Variants in PARM1 observed in about 807,000 individuals in gnomAD.
PARM1 encodes prostate androgen-regulated mucin-like protein 1, also known as WSC4, cell wall integrity and stress response component 4 homolog.
PARM1 carries 14 observed loss-of-function variants against 24.6 expected under a neutral mutation model. The ratio of observed to expected loss-of-function variants is 0.57; its 90% CI spans 0.38 to 0.89. The LOEUF is 0.89. PARM1 is among the 40% of genes least tolerant of loss of function. PARM1 has a pLI of 0.00. For synonymous variants in PARM1, 179 were observed against 156.6 expected, an observed-to-expected ratio of 1.14 and a Z score of -1.07; for missense variants, 362 against 380.4, an observed-to-expected ratio of 0.95 and a Z score of 0.40.
At chr4:75,009,371 C>T (rs1403388483) in intron 1 of PARM1, among the ~76,000 whole-genome samples, 1 of 152,190 alleles carries the variant, frequency 6.6e-6, no homozygotes, top group African/African-American at 2.4e-5. Context: ...CTGAATGTTT[C>T]CCTTTTGGTC....
intron 2 of PARM1, among the ~76,000 whole-genome samples, chr4:75,013,421 G>T (rs188885994): frequency 1.1e-4 from 16 of 152,350 alleles, no homozygotes; most frequent in African/African-American, 3.6e-4. Context: ...AGATAGCAAA[G>T]GGATTAACAG....
intron 1 of PARM1, among the ~76,000 whole-genome samples, chr4:74,977,506 A>G (rs889529191): frequency 4.6e-5 from 7 of 152,218 alleles, no homozygotes; most frequent in African/African-American, 1.7e-4. Context: ...TATATGAAAG[A>G]GACAAGGAGA....
chr4:75,032,777 G>T (rs1438226571), intron 2 of PARM1, among the ~76,000 whole-genome samples: 1 of 152,198 alleles, frequency 6.6e-6, no homozygotes, highest in Non-Finnish European at 1.5e-5. Flanking sequence ...CACATATTCA[G>T]ACTCCACATC....
rs555082669 is a variant in PARM1 at position 74,943,720 on chromosome 4, T to TA, written c.43+10351dup. On this transcript the variant is annotated intron_variant, in intron 1 of 3. Transcript: ENST00000307428. ...TGAGCTCAGCTAGGGAAGATAAAGA[T>TA]ACCTTCACCATTCGAGCATTTTTGA... 4.4e-4 allele frequency among the ~76,000 whole-genome samples: 67 copies of TA among 152,328 alleles called. 3 individuals are homozygous for TA. In the South Asian group the frequency reaches 0.014, roughly 31 times the overall value.
intron 2 of PARM1, among the ~76,000 whole-genome samples, chr4:75,028,443 C>G (rs1439908089): frequency 1.3e-5 from 2 of 152,086 alleles, no homozygotes; most frequent in Non-Finnish European, 2.9e-5. Flanking sequence ...TGCGGCACAC[C>G]CTGAAGTGGC....
At chr4:74,953,339 T>A (rs1381142274) in intron 1 of PARM1, among the ~76,000 whole-genome samples, 2 of 152,192 alleles carry the variant, frequency 1.3e-5, no homozygotes, top group East Asian at 3.8e-4. Context: ...TTTATTGATA[T>A]GAGTTATTAT....
At chr4:75,025,080 A>G (rs1723158625) in intron 2 of PARM1, among the ~76,000 whole-genome samples, 1 of 152,216 alleles carries the variant, frequency 6.6e-6, no homozygotes, top group Non-Finnish European at 1.5e-5. Context: ...CAACAACAGC[A>G]ACAACAAAAA....
intron 1 of PARM1, among the ~76,000 whole-genome samples, chr4:74,939,188 T>C (rs545044195): frequency 6.6e-6 from 1 of 152,306 alleles, no homozygotes; most frequent in East Asian, 1.9e-4. Flanking sequence ...GGATTAGCTT[T>C]ATTTTGAAGC....
rs991774858 is a variant in PARM1 at position 74,987,057 on chromosome 4, C to G, written c.44-25368C>G. Among the ~76,000 whole-genome samples the G allele has an allele frequency of 2.0e-5, 3 of 152,154 alleles. No individual in the cohort carries two copies. In the East Asian group the frequency reaches 5.8e-4, roughly 29 times the overall value. On this transcript the variant is annotated intron_variant, in intron 1 of 3. Coordinates refer to ENST00000307428, the MANE Select transcript of PARM1 (RefSeq NM_015393.4). The stretch of plus-strand genomic sequence containing the variant: ...TAATTGAAATAGGACCTAATACATA[C>G]TAAATGTTCAATATTATTAGTGCTT...
At chr4:75,024,786 C>T (rs1052111620) in intron 2 of PARM1, among the ~76,000 whole-genome samples, 1 of 152,194 alleles carries the variant, frequency 6.6e-6, no homozygotes, top group African/African-American at 2.4e-5. Context: ...GCAAACTCCA[C>T]CTCCTGGGTT....
At chr4:74,997,467 C>T (rs552686181) in intron 1 of PARM1, among the ~76,000 whole-genome samples, 1 of 152,324 alleles carries the variant, frequency 6.6e-6, no homozygotes, top group Non-Finnish European at 1.5e-5. Flanking sequence ...TGAGGGATTA[C>T]TGGAATCTTC....
intron 1 of PARM1, chr4:74,967,519 C>G (rs142369235): frequency 5.9e-5 from 9 of 152,286 alleles, no homozygotes; most frequent in African/African-American, 2.2e-4. Flanking sequence ...AGAGGCCTTG[C>G]TGGGGTAAGG....
chr4:75,044,811 A>T (rs1723567959), intron 3 of PARM1, among the ~76,000 whole-genome samples: 1 of 152,202 alleles, frequency 6.6e-6, no homozygotes, highest in Admixed American at 6.5e-5. Flanking sequence ...TCATGGCGGA[A>T]GGCAAGGAGG....
chr4:74,933,506 C>T, intron 1 of PARM1, 136 bp downstream of exon 1: 1 of 732,966 alleles, frequency 1.4e-6, no homozygotes, highest in Non-Finnish European at 2.4e-6. Flanking sequence ...TGTGTGCGCA[C>T]TTAGATTTGG....
chr4:74,941,990 G>A (rs773263253), intron 1 of PARM1, among the ~76,000 whole-genome samples: 8 of 152,202 alleles, frequency 5.3e-5, no homozygotes, highest in Admixed American at 4.6e-4. Flanking sequence ...AGGCTTTAGA[G>A]TAAGATAGAC....
chr4:74,971,663 A>AGGGTGAG (rs775339682), intron 1 of PARM1, among the ~76,000 whole-genome samples: 33 of 152,194 alleles, frequency 2.2e-4, no homozygotes, highest in Non-Finnish European at 4.1e-4. Flanking sequence ...ATAAAGCATG[A>AGGGTGAG]GGGTGAGGCA....
intron 3 of PARM1, among the ~76,000 whole-genome samples, chr4:75,039,788 T>C (rs776793374): frequency 6.6e-6 from 1 of 152,228 alleles, no homozygotes; most frequent in Non-Finnish European, 1.5e-5. Flanking sequence ...TGTTGTTTCA[T>C]ATATGTTTCA....
chr4:75,018,082 T>G (rs528162485), intron 2 of PARM1, among the ~76,000 whole-genome samples: 1 of 152,366 alleles, frequency 6.6e-6, no homozygotes, highest in Admixed American at 6.5e-5. Context: ...CCCACCATCT[T>G]CAACAAATAT....
intron 1 of PARM1, among the ~76,000 whole-genome samples, chr4:74,949,478 A>T (rs1259103588): frequency 1.3e-5 from 2 of 151,972 alleles, no homozygotes; most frequent in Non-Finnish European, 2.9e-5. Context: ...ACGCCTGGCT[A>T]ATTTTTTGTA....
Sources: gnomAD v4.1 joint callset for allele counts (sites outside exome capture counted in the v4.1 genomes callset) on GRCh38, gnomAD v4.1.1 for gene constraint, MANE v1.5 for transcripts, NCBI Gene and HGNC (gene_info 2026-07-23, HGNC 2026-07-21) for gene names.